FSIP2: variants seen among roughly 807,000 people sequenced by gnomAD.
FSIP2 encodes fibrous sheath-interacting protein 2.
In FSIP2, 367 loss-of-function variants were observed where a neutral mutation model predicts 510.5. The observed-to-expected ratio is 0.72, with a 90% CI of 0.66 to 0.78. The LOEUF is 0.78. Among genes scored for constraint, FSIP2 ranks in the 30% least tolerant of loss-of-function variants. FSIP2 has a pLI of 0.00. For synonymous variants in FSIP2, 2,601 were observed against 2,732.2 expected (o/e 0.95, Z 1.50); for missense variants, 7,594 against 7,901.7 (o/e 0.96, Z 1.48).
chr2:185,811,414 A>G (rs903850983), intron 17 of FSIP2, among the ~76,000 whole-genome samples: 1 of 150,412 alleles, frequency 6.6e-6, no homozygotes, highest in Non-Finnish European at 1.5e-5. Flanking sequence ...GGTTGCAGTG[A>G]GCCAAGATCA....
At chr2:185,763,637 A>G (rs1177427699) in intron 12 of FSIP2, among the ~76,000 whole-genome samples, 1 of 151,622 alleles carries the variant, frequency 6.6e-6, no homozygotes, top group Non-Finnish European at 1.5e-5. Context: ...TTGGACATGA[A>G]ATAGATTTTT....
intron 13 of FSIP2, among the ~76,000 whole-genome samples, chr2:185,777,512 T>C (rs942830981): frequency 6.6e-6 from 1 of 151,982 alleles, no homozygotes; most frequent in Non-Finnish European, 1.5e-5. Context: ...TTAAATAATT[T>C]CTCATTAAGT....
intron 20 of FSIP2, among the ~76,000 whole-genome samples, chr2:185,825,566 G>A (rs1693999815): frequency 6.6e-6 from 1 of 151,774 alleles, no homozygotes; most frequent in Admixed American, 6.6e-5. Context: ...CATGTACCCT[G>A]TGACTCTACA....
At chr2:185,776,750 T>C (rs1432236753) in intron 13 of FSIP2, among the ~76,000 whole-genome samples, 1 of 152,318 alleles carries the variant, frequency 6.6e-6, no homozygotes, top group East Asian at 1.9e-4. Flanking sequence ...TATTATTATT[T>C]TGAGACAGAG....
chr2:185,760,976 G>A lies in FSIP2; in HGVS notation c.1079-12G>A, dbSNP rs749455288. 1.5e-5 allele frequency: 17 copies of A among 1,141,748 alleles called. No individual in the cohort carries two copies. Among genetic ancestry groups the A allele is most frequent in the South Asian group, 1.1e-4 (7 of 62,262 alleles). The allele number at this position is 1,141,748 out of a possible 1,614,324, so 70.7% of individuals were successfully genotyped here. A position where few individuals can be genotyped will look rare whatever the true frequency, so the allele number is the denominator to read the frequency against. On this transcript the variant is annotated splice_polypyrimidine_tract_variant and intron_variant, in intron 9 of 22. Coordinates refer to ENST00000424728, the MANE Select transcript of FSIP2 (RefSeq NM_173651.4). ...AAAAAAACTATAGAGTTTCTCTCTC[G>A]TTTTCTTTTAGGACATACAGCAAAT...
At chr2:185,815,705 G>A (rs1693813234) in intron 19 of FSIP2, among the ~76,000 whole-genome samples, 1 of 151,918 alleles carries the variant, frequency 6.6e-6, no homozygotes, top group Non-Finnish European at 1.5e-5. Context: ...AGTTTCTAGT[G>A]TATCAGTGTC....
chr2:185,806,713 A>G lies in FSIP2; in HGVS notation c.17407A>G (p.Ile5803Val). Reference protein sequence around the residue: ...EMVKQLIFSSIPETQIQDRCQ... With the variant: ...EMVKQLIFSSVPETQIQDRCQ... ...GGTTAAACAATTGATCTTTTCTTCT[A>G]TACCAGAAACACAAATACAAGATAG... Residue 5803 changes from isoleucine (I) to valine (V), a missense_variant, in exon 17 of 23, where the codon ATA (isoleucine) becomes GTA (valine). By Grantham distance (29) the Ile-to-Val change is conservative. Transcript: ENST00000424728. 1.2e-6 allele frequency: 2 copies of G among 1,608,182 alleles called. No homozygotes were observed. The highest frequency in any genetic ancestry group is 1.7e-6 in the Non-Finnish European group (2 of 1,177,628).
At position 185,793,437 on chromosome 2, in the gene FSIP2, A is replaced by T; in HGVS notation, c.6301A>T (p.Ile2101Phe). ...TACCATTGAAGGTATCCTATGTGAT[A>T]TTTATGAAAAAACCCTGTTTCAGAA... ...QDTIEGILCDIYEKTLFQNNL... is the reference protein window; with the variant it reads ...QDTIEGILCDFYEKTLFQNNL... Residue 2101 changes from isoleucine (I) to phenylalanine (F), a missense_variant, in exon 16 of 23, where the codon ATT (isoleucine) becomes TTT (phenylalanine). Coordinates refer to ENST00000424728, the MANE Select transcript of FSIP2 (RefSeq NM_173651.4). 1 of 1,534,340 alleles carries T rather than the reference A, an allele frequency of 6.5e-7. No homozygotes were observed.
Position 185,795,984 on chromosome 2 carries a change from G to A in FSIP2, c.8848G>A (p.Glu2950Lys), listed in dbSNP as rs1234066849. The A allele has an allele frequency of 1.3e-6, 2 of 1,534,710 alleles. No homozygotes were observed. Among genetic ancestry groups the A allele is most frequent in the East Asian group, 4.9e-5 (2 of 40,804 alleles). The change falls in exon 16 of 23, where the codon GAA (glutamate) becomes AAA (lysine). Residue 2950 changes from glutamate (E) to lysine (K), a missense_variant. Coordinates refer to ENST00000424728, the MANE Select transcript of FSIP2 (RefSeq NM_173651.4). ...DSEETLSNSK[E>K]HITAKSKYGF... is the part of the protein sequence containing the mutation. ...TGAAGAAACTCTATCAAACAGTAAA[G>A]AACACATTACTGCTAAAAGTAAATA...
chr2:185,789,686 G>A lies in FSIP2; in HGVS notation c.2550G>A (p.Lys850=). Reference sequence around the variant, plus strand: ...TTCTTCATCTTAAAGACACAAATAAGCTTTCCTGCCAGCAACATAAGACAG... The same window carrying A: ...TTCTTCATCTTAAAGACACAAATAAACTTTCCTGCCAGCAACATAAGACAG... ...NEFLHLKDTN[K]LSCQQHKTDP... is the part of the protein sequence containing the mutation. Residue 850 remains lysine, a synonymous_variant, in exon 16 of 23, where the codon AAG becomes AAA. Coordinates refer to ENST00000424728, the MANE Select transcript of FSIP2 (RefSeq NM_173651.4). 6.5e-7 allele frequency: 1 copy of A among 1,533,860 alleles called. No individual in the cohort carries two copies. The highest frequency in any genetic ancestry group is 8.7e-7 in the Non-Finnish European group (1 of 1,145,662).
At position 185,796,420 on chromosome 2, in the gene FSIP2, A is replaced by G. The variant is rs1392647894; in HGVS notation, c.9284A>G (p.Asn3095Ser). The G allele has an allele frequency of 1.3e-6, 2 of 1,534,384 alleles. No individual in the cohort carries two copies. The highest frequency in any genetic ancestry group is 4.9e-5 in the East Asian group (2 of 40,824). The change falls in exon 16 of 23, where the codon AAC (asparagine) becomes AGC (serine). Residue 3095 changes from asparagine (N) to serine (S), a missense_variant. By Grantham distance (46) the Asn-to-Ser change is conservative. Coordinates refer to ENST00000424728, the MANE Select transcript of FSIP2 (RefSeq NM_173651.4). ...IISDMLAVIK[N>S]KLDNEISQME... ...AGTGACATGCTTGCTGTAATTAAGA[A>G]CAAGCTAGACAACGAAATAAGCCAA...
chr2:185,779,075 G>C (rs11897716), intron 13 of FSIP2, among the ~76,000 whole-genome samples: 82,589 of 151,594 alleles, frequency 0.54, 22,752 homozygotes, highest in South Asian at 0.64. Flanking sequence ...AGTGTTATTT[G>C]TTTAGATGCC....
intron 20 of FSIP2, among the ~76,000 whole-genome samples, chr2:185,827,114 A>T (rs1362018218): frequency 6.6e-6 from 1 of 151,848 alleles, no homozygotes; most frequent in Non-Finnish European, 1.5e-5. Flanking sequence ...AATGTCCTCA[A>T]TCATTTAAAA....
In FSIP2 at chr2:185,821,009, TAAAAAAAAAAA is replaced by T. The variant is rs59331328; in HGVS notation, c.20427-3406_20427-3396del. Among the ~76,000 whole-genome samples, 68 of 74,958 alleles carry T rather than the reference TAAAAAAAAAAA, an allele frequency of 9.1e-4. 1 individual carries two copies. Among genetic ancestry groups the T allele is most frequent in the African/African-American group, 2.4e-3 (48 of 20,298 alleles). The allele number at this position is 74,958 out of a possible 152,430, so 49.2% of individuals were successfully genotyped here. On this transcript the variant is annotated intron_variant, in intron 19 of 22. Transcript: ENST00000424728. The stretch of plus-strand genomic sequence containing the variant: ...TCAAGAAAACCAAGAGTTGGTTCGT[TAAAAAAAAAAA>T]AAAAAAAAAAAAAAAAAATCAACGA...
chr2:185,791,802 A>G lies in FSIP2; in HGVS notation c.4666A>G (p.Lys1556Glu). 1 of 1,534,298 alleles carries G rather than the reference A, an allele frequency of 6.5e-7. No homozygotes were observed. The highest frequency in any genetic ancestry group is 8.7e-7 in the Non-Finnish European group (1 of 1,145,610). Reference sequence around the variant, plus strand: ...GGACAATAAAGAAGAGACTAAAAGCAAGGCAAAACCTGTTGCTCCTGTGTC... The same window carrying G: ...GGACAATAAAGAAGAGACTAAAAGCGAGGCAAAACCTGTTGCTCCTGTGTC... ...QEDNKEETKS[K>E]AKPVAPVSSK... Residue 1556 changes from lysine (K) to glutamate (E), a missense_variant, in exon 16 of 23, where the codon AAG (lysine) becomes GAG (glutamate). Lys to Glu is a moderately conservative substitution (Grantham distance 56). Transcript: ENST00000424728.
intron 9 of FSIP2, among the ~76,000 whole-genome samples, chr2:185,759,717 T>G (rs1390913521): frequency 6.7e-6 from 1 of 148,436 alleles, no homozygotes; most frequent in Non-Finnish European, 1.5e-5. Context: ...TGTTTGCTCA[T>G]GGGGGAATTG....
rs1250083270 is a variant in FSIP2 at position 185,803,084 on chromosome 2, T to C, written c.13778T>C (p.Val4593Ala). The change falls in exon 17 of 23, where the codon GTG (valine) becomes GCG (alanine). Residue 4593 changes from valine to alanine, a missense_variant. Transcript: ENST00000424728. ...TGTCAAAAACATCTTCAGCCATTTG[T>C]GAGTGGAAAATCATTATCTTCATCA... ...HICQKHLQPF[V>A]SGKSLSSSDT... 2 of 1,514,872 alleles carry C rather than the reference T, an allele frequency of 1.3e-6. No individual in the cohort carries two copies. Among genetic ancestry groups the C allele is most frequent in the Non-Finnish European group, 8.8e-7 (1 of 1,137,930 alleles). 93.8% of individuals were successfully genotyped at this position (1,514,872 alleles called of 1,614,324 possible).
chr2:185,793,974 A>G lies in FSIP2; in HGVS notation c.6838A>G (p.Lys2280Glu), dbSNP rs573297548. Residue 2280 changes from lysine (K) to glutamate (E), a missense_variant, in exon 16 of 23, where the codon AAA (lysine) becomes GAA (glutamate). Lys to Glu is a moderately conservative substitution (Grantham distance 56, BLOSUM62 1). Transcript: ENST00000424728. ...DSLITLAFQS[K>E]EKSFVIPELE... is the part of the protein sequence containing the mutation. ...ATTAATTACCCTTGCTTTCCAAAGT[A>G]AAGAAAAGTCATTTGTTATCCCAGA... is the stretch of plus-strand genomic sequence containing the variant. 1.2e-4 allele frequency: 182 copies of G among 1,531,346 alleles called. No homozygotes were observed. The highest frequency in any genetic ancestry group is 2.0e-4 in the Admixed American group (10 of 50,518). The allele number at this position is 1,531,346 out of a possible 1,614,324, so 94.9% of individuals were successfully genotyped here. A position where few individuals can be genotyped will look rare whatever the true frequency, so the allele number is the denominator to read the frequency against.
chr2:185,742,153 C>T (rs6705390), intron 2 of FSIP2, among the ~76,000 whole-genome samples: 82,745 of 151,954 alleles, frequency 0.54, 22,788 homozygotes, highest in South Asian at 0.64. Context: ...GTTTTTCTGG[C>T]CCAGCAAACT....
Sources: allele counts gnomAD v4.1 joint callset (sites outside exome capture counted in the v4.1 genomes callset), GRCh38; gene constraint gnomAD v4.1.1; transcripts MANE v1.5; gene names NCBI Gene and HGNC (gene_info 2026-07-23, HGNC 2026-07-21).